HS3ST4: variants seen among roughly 807,000 people sequenced by gnomAD.
The protein encoded by HS3ST4 is heparan sulfate glucosamine 3-O-sulfotransferase 4.
Under a neutral mutation model 29.2 loss-of-function variants are expected in HS3ST4, and 17 were observed. That is an observed-to-expected ratio of 0.58 (90% confidence interval 0.40 to 0.87). HS3ST4 has a LOEUF of 0.87. Ranked by LOEUF, HS3ST4 falls within the 40% of genes least tolerant of loss-of-function variation. The probability of loss-of-function intolerance (pLI) is 0.00; values close to 1 mark genes in which losing one functional copy is unlikely to be tolerated. For missense variants in HS3ST4, 627 were observed against 634.5 expected, an observed-to-expected ratio of 0.99 and a Z score of 0.13; for synonymous variants, 314 against 285.7, an observed-to-expected ratio of 1.10 and a Z score of -1.00.
At chr16:26,040,287 T>C (rs1969623896) in intron 1 of HS3ST4, among the ~76,000 whole-genome samples, 1 of 150,938 alleles carries the variant, frequency 6.6e-6, no homozygotes. Flanking sequence ...GCTGTCAGTA[T>C]CTTTCTTTCT....
intron 1 of HS3ST4, among the ~76,000 whole-genome samples, chr16:25,950,849 A>G (rs145798949): frequency 4.6e-5 from 7 of 152,244 alleles, no homozygotes; most frequent in Non-Finnish European, 8.8e-5. Context: ...CAAATAACAT[A>G]TGTGATGCCC....
At chr16:26,021,773 C>T (rs1306690027) in intron 1 of HS3ST4, among the ~76,000 whole-genome samples, 1 of 152,000 alleles carries the variant, frequency 6.6e-6, no homozygotes, top group East Asian at 1.9e-4. Context: ...AAGTGATTCT[C>T]CTGCCTCAGC....
intron 1 of HS3ST4, among the ~76,000 whole-genome samples, chr16:25,907,539 T>C (rs559839873): frequency 4.6e-5 from 7 of 152,298 alleles, no homozygotes; most frequent in African/African-American, 1.7e-4. Context: ...GCTTCATCGA[T>C]GACCCAGAGA....
chr16:26,034,130 T>A (rs1004090656), intron 1 of HS3ST4, among the ~76,000 whole-genome samples: 1 of 152,058 alleles, frequency 6.6e-6, no homozygotes. Context: ...CTTCCTGGAG[T>A]CTCTGCTCTC....
intron 1 of HS3ST4, among the ~76,000 whole-genome samples, chr16:25,931,125 C>G (rs1472016637): frequency 6.7e-6 from 1 of 149,060 alleles, no homozygotes; most frequent in Non-Finnish European, 1.5e-5. Context: ...AAACCTCCAC[C>G]CCGGGAAATG....
rs77378569 is a variant in HS3ST4, at chr16:26,133,844, C to A, written c.735-1768C>A. ...GACATTTAAAAGCATGTCATCATAA[C>A]AAAGAGGTCTTGTGTAATCCTAAAT... On this transcript the variant is annotated intron_variant, in intron 1 of 1. Coordinates refer to ENST00000331351, the MANE Select transcript of HS3ST4 (RefSeq NM_006040.3). 9.0e-3 allele frequency among the ~76,000 whole-genome samples: 1,377 copies of A among 152,280 alleles called. 17 individuals carry two copies. Among genetic ancestry groups the A allele is most frequent in the African/African-American group, 0.031 (1,302 of 41,552 alleles).
chr16:25,731,396 A>G (rs1230472466), intron 1 of HS3ST4, among the ~76,000 whole-genome samples: 2 of 152,164 alleles, frequency 1.3e-5, no homozygotes, highest in Non-Finnish European at 2.9e-5. Flanking sequence ...GCTGGAGTGC[A>G]GTGGCACAAT....
At chr16:25,719,433 T>G (rs1364967949) in intron 1 of HS3ST4, among the ~76,000 whole-genome samples, 1 of 152,238 alleles carries the variant, frequency 6.6e-6, no homozygotes. Context: ...TGAATACTTT[T>G]GGCTGTAAGC....
chr16:26,071,520 C>T (rs976860523), intron 1 of HS3ST4, among the ~76,000 whole-genome samples: 1 of 152,170 alleles, frequency 6.6e-6, no homozygotes, highest in African/African-American at 2.4e-5. Context: ...AAAATCATGA[C>T]ATGCCAAAAC....
intron 1 of HS3ST4, among the ~76,000 whole-genome samples, chr16:25,982,164 C>T (rs1434379973): frequency 6.6e-6 from 1 of 152,208 alleles, no homozygotes; most frequent in Non-Finnish European, 1.5e-5. Flanking sequence ...TCCAGCTTGG[C>T]CTGGGATGCA....
chr16:25,819,805 A>G (rs1442138582), intron 1 of HS3ST4, among the ~76,000 whole-genome samples: 1 of 151,856 alleles, frequency 6.6e-6, no homozygotes, highest in Non-Finnish European at 1.5e-5. Flanking sequence ...CATTAAGAGG[A>G]AAGGATTTCA....
At chr16:26,049,378 T>C (rs1898308458) in intron 1 of HS3ST4, among the ~76,000 whole-genome samples, 2 of 148,202 alleles carry the variant, frequency 1.3e-5, no homozygotes, top group South Asian at 2.1e-4. Context: ...CATCCGGAGG[T>C]CTACATCCGG....
At chr16:25,725,058 A>G (rs1483783305) in intron 1 of HS3ST4, among the ~76,000 whole-genome samples, 4 of 145,380 alleles carry the variant, frequency 2.8e-5, no homozygotes, top group Non-Finnish European at 6.0e-5. Flanking sequence ...TTTTTTAAAT[A>G]GGAACAGCAG....
intron 1 of HS3ST4, among the ~76,000 whole-genome samples, chr16:25,970,115 T>C (rs907739557): frequency 6.6e-6 from 1 of 152,242 alleles, no homozygotes; most frequent in Non-Finnish European, 1.5e-5. Flanking sequence ...CACAACTCCC[T>C]TCTCCAATCA....
At chr16:25,917,869 A>T (rs1968307628) in intron 1 of HS3ST4, among the ~76,000 whole-genome samples, 1 of 152,184 alleles carries the variant, frequency 6.6e-6, no homozygotes, top group Admixed American at 6.5e-5. Flanking sequence ...CAAACTTCAG[A>T]CGCCTTTCAA....
In HS3ST4 at chr16:25,884,566, G is replaced by C. The variant is rs193100529; in HGVS notation, c.734+191415G>C. Among the ~76,000 whole-genome samples the C allele has an allele frequency of 2.1e-3, 326 of 152,212 alleles. 3 individuals are homozygous for C. The highest frequency in any genetic ancestry group is 2.4e-3 in the Non-Finnish European group (166 of 68,014). ...ATAGGCTTTTGAGGTTAAGTACCTT[G>C]TTGGTTTGTTTGTTTTTGAGACAGA... On this transcript the variant is annotated intron_variant, in intron 1 of 1. Transcript: ENST00000331351.
intron 1 of HS3ST4, among the ~76,000 whole-genome samples, chr16:26,114,443 A>G (rs1899175650): frequency 6.6e-6 from 1 of 152,172 alleles, no homozygotes; most frequent in African/African-American, 2.4e-5. Context: ...ACGTTATAGC[A>G]TCTGGAAAAG....
At chr16:25,790,383 C>T (rs775900321) in intron 1 of HS3ST4, among the ~76,000 whole-genome samples, 13 of 152,126 alleles carry the variant, frequency 8.5e-5, no homozygotes, top group East Asian at 7.7e-4. Flanking sequence ...CACTCCAGCC[C>T]GGGCAACAGA....
intron 1 of HS3ST4, among the ~76,000 whole-genome samples, chr16:25,732,734 G>T (rs775188587): frequency 1.3e-5 from 2 of 152,190 alleles, no homozygotes; most frequent in East Asian, 3.8e-4. Flanking sequence ...TTAAATTTCT[G>T]GAAGGAGGCA....
Sources: allele counts gnomAD v4.1 joint callset (sites outside exome capture counted in the v4.1 genomes callset), GRCh38; gene constraint gnomAD v4.1.1; transcripts MANE v1.5; gene names NCBI Gene and HGNC (gene_info 2026-07-23, HGNC 2026-07-21).